WDPCP: variants seen among roughly 807,000 people sequenced by gnomAD.
The protein encoded by WDPCP is WD repeat-containing and planar cell polarity effector protein fritz homolog.
Under a neutral mutation model 93.1 loss-of-function variants are expected in WDPCP, and 71 were observed. The observed-to-expected ratio is 0.76, with a 90% CI of 0.63 to 0.93. The LOEUF (loss-of-function observed/expected upper bound fraction) is 0.93, where lower values mean the gene tolerates loss of function less well. WDPCP is among the 40% of genes least tolerant of loss of function. The pLI is 0.00. For synonymous variants in WDPCP, 315 were observed against 315.0 expected, an observed-to-expected ratio of 1.00 and a Z score of 0.00; for missense variants, 844 against 887.4, an observed-to-expected ratio of 0.95 and a Z score of 0.62.
intron 17 of WDPCP, among the ~76,000 whole-genome samples, chr2:63,131,239 T>C (rs562591464): frequency 7.7e-4 from 118 of 152,292 alleles, no homozygotes; most frequent in African/African-American, 2.6e-3. Flanking sequence ...GTTTTCTGTA[T>C]GTCTTGTGGC....
Position 63,295,485 on chromosome 2 carries a change from T to G in WDPCP, c.1812+17763A>C, listed in dbSNP as rs78958030. ...ATAGTAACCAAAATAACAGGTATGG[T>G]AATACTAATATTCAGAAAAAAGACA... On this transcript the variant is annotated intron_variant, in intron 13 of 17. Coordinates refer to ENST00000272321, the MANE Select transcript of WDPCP (RefSeq NM_015910.7). Among the ~76,000 whole-genome samples the G allele has an allele frequency of 2.6e-5, 4 of 152,004 alleles. No homozygotes were observed. In the East Asian group the frequency reaches 7.7e-4, roughly 29 times the overall value.
At chr2:63,477,255 A>G (rs564531386) in intron 6 of WDPCP, among the ~76,000 whole-genome samples, 1 of 152,268 alleles carries the variant, frequency 6.6e-6, no homozygotes, top group African/African-American at 2.4e-5. Flanking sequence ...ATTCTCTAGG[A>G]ACAGATTTAT....
At chr2:63,231,537 C>T (rs1678886289) in intron 14 of WDPCP, among the ~76,000 whole-genome samples, 1 of 152,098 alleles carries the variant, frequency 6.6e-6, no homozygotes, top group Non-Finnish European at 1.5e-5. Flanking sequence ...ACACCAATAA[C>T]AGACAAGCCG....
At chr2:63,790,212 G>T (rs1211124198) in intron 2 of WDPCP, among the ~76,000 whole-genome samples, 1 of 152,190 alleles carries the variant, frequency 6.6e-6, no homozygotes, top group Admixed American at 6.6e-5. Flanking sequence ...GAGAGATGGG[G>T]TAGCCAGTCC....
chr2:63,835,726 C>A, the WDPCP span, among the ~76,000 whole-genome samples: 3 of 152,012 alleles, frequency 2.0e-5, no homozygotes, highest in African/African-American at 7.2e-5. Context: ...ATATGACATA[C>A]CTCCTCTTTT....
At chr2:63,727,141 C>T (rs1669505970) in intron 2 of WDPCP, among the ~76,000 whole-genome samples, 2 of 152,130 alleles carry the variant, frequency 1.3e-5, no homozygotes, top group African/African-American at 4.8e-5. Flanking sequence ...AAGGAGGATG[C>T]TTTCAGCTTT....
At chr2:63,666,793 A>G (rs571908253) in intron 2 of WDPCP, among the ~76,000 whole-genome samples, 1 of 152,188 alleles carries the variant, frequency 6.6e-6, no homozygotes, top group African/African-American at 2.4e-5. Context: ...CACAAATCCT[A>G]CCCCATGTCA....
intron 2 of WDPCP, among the ~76,000 whole-genome samples, chr2:63,798,511 T>C (rs1670646521): frequency 6.6e-6 from 1 of 152,142 alleles, no homozygotes; most frequent in Non-Finnish European, 1.5e-5. Context: ...CTTAAAATAA[T>C]GAATTATAAG....
intron 2 of WDPCP, chr2:63,684,818 G>A: frequency 2.9e-6 from 1 of 347,390 alleles, no homozygotes; most frequent in African/African-American, 2.1e-5. Context: ...AATAATAATA[G>A]GAATTTTGGA....
chr2:63,137,219 T>C (rs1670685620), intron 17 of WDPCP, among the ~76,000 whole-genome samples: 1 of 148,086 alleles, frequency 6.8e-6, no homozygotes, highest in Non-Finnish European at 1.5e-5. Context: ...TGCCATCATC[T>C]GTTGTTGTTG....
intron 11 of WDPCP, among the ~76,000 whole-genome samples, chr2:63,381,133 G>T (rs1020215025): frequency 6.6e-6 from 1 of 152,042 alleles, no homozygotes; most frequent in African/African-American, 2.4e-5. Context: ...ACAAAGATAT[G>T]AAAGATGCAA....
intron 6 of WDPCP, among the ~76,000 whole-genome samples, chr2:63,449,089 T>C (rs977458858): frequency 2.0e-5 from 3 of 152,218 alleles, no homozygotes; most frequent in Non-Finnish European, 4.4e-5. Context: ...TATGTATGCC[T>C]ATAGCAAAAC....
At chr2:63,833,936 TA>T in the WDPCP span, among the ~76,000 whole-genome samples, 1 of 152,072 alleles carries the variant, frequency 6.6e-6, no homozygotes, top group South Asian at 2.1e-4. Context: ...ATATAAATTA[TA>T]AATAAATATA....
intron 3 of WDPCP, among the ~76,000 whole-genome samples, chr2:63,627,102 T>C (rs1709818496): frequency 6.6e-6 from 1 of 152,196 alleles, no homozygotes; most frequent in Non-Finnish European, 1.5e-5. Context: ...GCTTTGACCT[T>C]AGTTATTTTG....
intron 13 of WDPCP, 80 bp from the exon 14 acceptor site, chr2:63,259,489 A>G: frequency 1.9e-6 from 2 of 1,066,504 alleles, no homozygotes; most frequent in Non-Finnish European, 2.9e-6. Flanking sequence ...AAGGAAACTT[A>G]TTGTCCAGAT....
chr2:63,728,517 T>C (rs1200387667), intron 2 of WDPCP, among the ~76,000 whole-genome samples: 1 of 152,230 alleles, frequency 6.6e-6, no homozygotes, highest in Non-Finnish European at 1.5e-5. Context: ...GTGAAAATGC[T>C]TTTTGACAAA....
chr2:63,483,582 A>T (rs1700395038), intron 6 of WDPCP, among the ~76,000 whole-genome samples: 1 of 151,946 alleles, frequency 6.6e-6, no homozygotes, highest in Non-Finnish European at 1.5e-5. Context: ...TTCAAATAGT[A>T]GATTAAGATC....
chr2:63,203,539 A>C (rs980753218), intron 14 of WDPCP, among the ~76,000 whole-genome samples: 3 of 152,188 alleles, frequency 2.0e-5, no homozygotes, highest in African/African-American at 7.2e-5. Flanking sequence ...TTATTTTAAA[A>C]TGTACAACTA....
At chr2:63,740,759 G>T (rs533639488) in intron 2 of WDPCP, among the ~76,000 whole-genome samples, 7 of 152,220 alleles carry the variant, frequency 4.6e-5, no homozygotes, top group African/African-American at 1.7e-4. Context: ...AATACATTAA[G>T]AAGTTTAAGA....
Sources: gnomAD v4.1 joint callset for allele counts (sites outside exome capture counted in the v4.1 genomes callset) on GRCh38, gnomAD v4.1.1 for gene constraint, MANE v1.5 for transcripts, NCBI Gene and HGNC (gene_info 2026-07-23, HGNC 2026-07-21) for gene names.